Variants in LSM12 observed in about 807,000 individuals in gnomAD.
LSM12 encodes the protein LSM12 homolog, also known as protein LSM12.
For synonymous variants in LSM12, 74 were observed against 87.3 expected (o/e 0.85, Z 0.85); for missense variants, 108 against 238.9 (o/e 0.45, Z 3.61).
chr17:44,058,662 C>T (rs2049754163), intron 2 of LSM12, among the ~76,000 whole-genome samples: 1 of 152,148 alleles, frequency 6.6e-6, no homozygotes, highest in African/African-American at 2.4e-5. Flanking sequence ...GAAACCCCAT[C>T]TCTACTAAAG....
At chr17:44,060,773 C>G (rs1466727845) in intron 2 of LSM12, among the ~76,000 whole-genome samples, 1 of 152,142 alleles carries the variant, frequency 6.6e-6, no homozygotes, top group South Asian at 2.1e-4. Flanking sequence ...CACAAACTAA[C>G]CAAGAGCTAT....
intron 2 of LSM12, among the ~76,000 whole-genome samples, chr17:44,041,857 T>C (rs1044573410): frequency 6.6e-6 from 1 of 152,196 alleles, no homozygotes; most frequent in African/African-American, 2.4e-5. Context: ...AAACAATGCA[T>C]CTTAAAAGTC....
At chr17:44,066,729 G>A (rs1284813039), upstream of LSM12, 1 of 1,094,134 alleles carries the variant, frequency 9.1e-7, no homozygotes, top group Non-Finnish European at 1.2e-6. Flanking sequence ...GGTTGGGGCG[G>A]GATCCTAGGT....
rs1182661561 is a variant in LSM12, at chr17:44,036,176, G to A, written c.*32C>T. On this transcript the variant is annotated 3_prime_UTR_variant, in exon 5 of 5. Transcript: ENST00000293406. ...AGCCACCACCAGCGCCTCCTTGGCT[G>A]GATGCTGGAAGAGTCCTCCATGTGT... 4 of 1,601,482 alleles carry A rather than the reference G, an allele frequency of 2.5e-6. No individual in the cohort carries two copies. Among genetic ancestry groups the A allele is most frequent in the Admixed American group, 1.7e-5 (1 of 58,994 alleles).
intron 2 of LSM12, among the ~76,000 whole-genome samples, chr17:44,061,912 G>C (rs921414744): frequency 6.6e-6 from 1 of 152,130 alleles, no homozygotes; most frequent in Admixed American, 6.6e-5. Context: ...AGTTTAGTGA[G>C]ACAGACACTA....
rs772634041 is a variant in LSM12, at chr17:44,066,609, G to C, written c.-22C>G. On this transcript the variant is annotated 5_prime_UTR_variant, in exon 1 of 5. Transcript: ENST00000293406. The stretch of plus-strand genomic sequence containing the variant: ...CCATCTTGGGAGTGCAGCCGCGGCC[G>C]GCGGCGGCGGCGGCAGCAGCGGGCG... The C allele has an allele frequency of 2.6e-4, 344 of 1,302,852 alleles. No individual in the cohort carries two copies. The highest frequency in any genetic ancestry group is 2.9e-4 in the Middle Eastern group (1 of 3,416). The allele number at this position is 1,302,852 out of a possible 1,614,324, so 80.7% of individuals were successfully genotyped here.
At chr17:44,055,000 G>A (rs552801964) in intron 2 of LSM12, among the ~76,000 whole-genome samples, 24 of 151,928 alleles carry the variant, frequency 1.6e-4, no homozygotes, top group African/African-American at 4.6e-4. Flanking sequence ...CACCACGCCC[G>A]GCTAATTTTT....
chr17:44,050,516 A>AT (rs113543595), intron 2 of LSM12, among the ~76,000 whole-genome samples: 2,139 of 140,020 alleles, frequency 0.015, 29 homozygotes, highest in African/African-American at 0.035. Context: ...GTGCCTGAAC[A>AT]TTTTTTTTTT....
Position 44,034,419 on chromosome 17 carries a change from G to T in LSM12, c.*1789C>A, listed in dbSNP as rs533826686. Among the ~76,000 whole-genome samples, 1 of 152,186 alleles carries T rather than the reference G, an allele frequency of 6.6e-6. No homozygotes were observed. The highest frequency in any genetic ancestry group is 2.4e-5 in the African/African-American group (1 of 41,528). On this transcript the variant is annotated 3_prime_UTR_variant, in exon 5 of 5. Transcript: ENST00000293406. ...AAATGGTTCTATGTATGTGACTACA[G>T]CCTTTTCCCCACACTCCACCTACAC...
At chr17:44,036,460 T>G (rs1276021027) in intron 4 of LSM12, among the ~76,000 whole-genome samples, 160 bp from the exon 5 acceptor site, 1 of 152,164 alleles carries the variant, frequency 6.6e-6, no homozygotes. Context: ...AACCACAAGG[T>G]AGGCCAGGGC....
intron 4 of LSM12, among the ~76,000 whole-genome samples, chr17:44,036,689 G>T (rs529592763): frequency 2.7e-5 from 4 of 146,206 alleles, no homozygotes; most frequent in African/African-American, 1.0e-4. Flanking sequence ...TTCCTCAGAG[G>T]AAAAAAAAAA....
chr17:44,053,854 CTT>C (rs1205424603), intron 2 of LSM12, among the ~76,000 whole-genome samples: 1 of 152,140 alleles, frequency 6.6e-6, no homozygotes, highest in Non-Finnish European at 1.5e-5. Flanking sequence ...GACTCTACCA[CTT>C]GTTTGGTTCC....
At chr17:44,067,239 GCA>G (rs2144123909), upstream of LSM12, among the ~76,000 whole-genome samples, 1 of 152,352 alleles carries the variant, frequency 6.6e-6, no homozygotes, top group African/African-American at 2.4e-5. Context: ...GGCGGAGGTT[GCA>G]CTGAGCCAAG....
chr17:44,053,454 A>G (rs1454900943), intron 2 of LSM12, among the ~76,000 whole-genome samples: 2 of 152,124 alleles, frequency 1.3e-5, no homozygotes, highest in Non-Finnish European at 2.9e-5. Flanking sequence ...GTCTCACCAT[A>G]TTGTTATCAC....
intron 2 of LSM12, 110 bp from the exon 3 acceptor site, chr17:44,040,366 T>C (rs2049472175): frequency 1.3e-6 from 1 of 746,290 alleles, no homozygotes; most frequent in Non-Finnish European, 2.2e-6. Flanking sequence ...TTTGGACAGA[T>C]TCTGTTTTCT....
rs188099381 is a variant in LSM12, at chr17:44,065,884, C to T, written c.124+580G>A. ...ACAGCCCCCCCACCACACATACACA[C>T]GCATCAGCGAAACAAGCCACTATCC... On this transcript the variant is annotated intron_variant, in intron 1 of 4. Transcript: ENST00000293406. 5.1e-3 allele frequency among the ~76,000 whole-genome samples: 770 copies of T among 152,098 alleles called. 4 individuals carry two copies. Among genetic ancestry groups the T allele is most frequent in the Admixed American group, 0.011 (162 of 15,266 alleles).
Position 44,049,808 on chromosome 17 carries a change from T to C in LSM12, c.259-9552A>G, listed in dbSNP as rs550706011. ...GTATTTAACAGGCTGAGACAGCTGA[T>C]ACAACAAGGGAAACAGAGAAGCCAG... On this transcript the variant is annotated intron_variant, in intron 2 of 4. Transcript: ENST00000293406. 2.8e-3 allele frequency among the ~76,000 whole-genome samples: 431 copies of C among 152,258 alleles called. 1 individual carries two copies. Among genetic ancestry groups the C allele is most frequent in the African/African-American group, 8.7e-3 (360 of 41,546 alleles).
intron 2 of LSM12, among the ~76,000 whole-genome samples, chr17:44,043,544 T>A (rs957873486): frequency 7.1e-6 from 1 of 141,506 alleles, no homozygotes; most frequent in African/African-American, 2.6e-5. Flanking sequence ...CAAGGAGGAG[T>A]TTCCTTTTTT....
intron 2 of LSM12, among the ~76,000 whole-genome samples, chr17:44,054,390 CA>C (rs2049683814): frequency 6.6e-6 from 1 of 152,162 alleles, no homozygotes; most frequent in African/African-American, 2.4e-5. Flanking sequence ...CAGCTCACTG[CA>C]GCCTTGACCT....
Sources: gnomAD v4.1 joint callset for allele counts (sites outside exome capture counted in the v4.1 genomes callset) on GRCh38, gnomAD v4.1.1 for gene constraint, MANE v1.5 for transcripts, NCBI Gene and HGNC (gene_info 2026-07-23, HGNC 2026-07-21) for gene names.